The following COQ7 variants were observed in gnomAD, a reference collection of about 807,000 sequenced individuals.
COQ7 encodes coenzyme Q7, hydroxylase.
Under a neutral mutation model 25.0 loss-of-function variants are expected in COQ7, and 21 were observed. The observed-to-expected ratio is 0.84, with a 90% CI of 0.60 to 1.21. COQ7 has a LOEUF of 1.21. Among genes scored for constraint, COQ7 ranks in the 50% most tolerant of loss-of-function variants. The pLI is 0.00. For synonymous variants in COQ7, 125 were observed against 112.4 expected, an observed-to-expected ratio of 1.11 and a Z score of -0.71; for missense variants, 311 against 296.2, an observed-to-expected ratio of 1.05 and a Z score of -0.37.
At chr16:19,072,234 T>G in intron 2 of COQ7, 128 bp downstream of exon 2, 1 of 1,116,450 alleles carries the variant, frequency 9.0e-7, no homozygotes, top group South Asian at 1.5e-5. Context: ...GAGCGAAGGT[T>G]GGTTCTTGGT....
At position 19,078,301 on chromosome 16, in the gene COQ7, T is replaced by TTTA; in HGVS notation, c.*143_*144insTTA. 1.6e-6 allele frequency: 1 copy of TTTA among 608,192 alleles called. No individual in the cohort carries two copies. The highest frequency in any genetic ancestry group is 2.6e-6 in the Non-Finnish European group (1 of 391,960). The allele number at this position is 608,192 out of a possible 1,614,324, so 37.7% of individuals were successfully genotyped here. A position where few individuals can be genotyped will look rare whatever the true frequency, so the allele number is the denominator to read the frequency against. The stretch of plus-strand genomic sequence containing the variant: ...ATTATAAGGTTTGTTTTTTTTTTTT[T>TTTA]AAACTCTGCAGTGTTGATTTTTCTC... On this transcript the variant is annotated 3_prime_UTR_variant, in exon 6 of 6. Transcript: ENST00000321998.
chr16:19,069,677 C>T (rs1400255520), intron 1 of COQ7, among the ~76,000 whole-genome samples: 1 of 152,094 alleles, frequency 6.6e-6, no homozygotes, highest in Non-Finnish European at 1.5e-5. Context: ...TCCCAAAGTG[C>T]TGGGATTACA....
intron 4 of COQ7, among the ~76,000 whole-genome samples, chr16:19,076,282 A>C (rs1596832427): frequency 7.5e-6 from 1 of 133,590 alleles, no homozygotes; most frequent in Non-Finnish European, 1.6e-5. Flanking sequence ...TTTTTAAGAG[A>C]TGGGGTCTCA....
chr16:19,073,803 G>T (rs1015115806), intron 2 of COQ7, 118 bp from the exon 3 acceptor site: 1 of 677,178 alleles, frequency 1.5e-6, no homozygotes. Flanking sequence ...TGAGGGGAAT[G>T]GGGGAGACAG....
chr16:19,078,134 G>A lies in COQ7; in HGVS notation c.630G>A (p.Ala210=), dbSNP rs999718451. The change falls in exon 6 of 6, where the codon GCG becomes GCA. Residue 210 remains alanine (A), a synonymous_variant. Coordinates refer to ENST00000321998, the MANE Select transcript of COQ7 (RefSeq NM_016138.5). ...KSIIQAGCRV[A]IYLSERL ...TTATCCAGGCCGGATGCAGAGTGGC[G>A]ATATATTTATCAGAAAGATTATAAA... 2.2e-5 allele frequency: 36 copies of A among 1,611,204 alleles called. No homozygotes were observed. The highest frequency in any genetic ancestry group is 6.7e-5 in the Admixed American group (4 of 59,602).
chr16:19,073,872 G>A (rs201166490), intron 2 of COQ7, 49 bp from the exon 3 acceptor site: 8 of 1,379,776 alleles, frequency 5.8e-6, no homozygotes, highest in Non-Finnish European at 8.2e-6. Flanking sequence ...GGATGAGTGG[G>A]AGGCCTCTAT....
At chr16:19,071,891 A>G in intron 1 of COQ7, 37 bp from the exon 2 acceptor site, 1 of 1,611,784 alleles carries the variant, frequency 6.2e-7, no homozygotes, top group Non-Finnish European at 8.5e-7. Context: ...TCTGGATTTT[A>G]CCTGATCATA....
In COQ7 at chr16:19,067,715, G is replaced by A. The variant is rs17357834; in HGVS notation, c.51G>A (p.Pro17=). The A allele has an allele frequency of 0.18, 291,304 of 1,606,028 alleles. 27,606 individuals carry two copies. Among genetic ancestry groups the A allele is most frequent in the Admixed American group, 0.22 (13,111 of 58,378 alleles). ...CTCCCCGCCTTTGGCGGCTGCGCCC[G>A]GGGGCCCGGCGGTCCCTCTCAGGTA... ...AAAPRLWRLR[P]GARRSLSAYG... is the part of the protein sequence containing the mutation. The change falls in exon 1 of 6, where the codon CCG becomes CCA. Residue 17 remains proline (P), a synonymous_variant. Transcript: ENST00000321998.
At chr16:19,070,587 AGCTGGGCAT>A (rs1469715697) in intron 1 of COQ7, among the ~76,000 whole-genome samples, 5 of 151,934 alleles carry the variant, frequency 3.3e-5, no homozygotes, top group Admixed American at 1.3e-4. Context: ...ATAAAAATGT[AGCTGGGCAT>A]GGTGGCACCT....
downstream of COQ7, among the ~76,000 whole-genome samples, chr16:19,082,021 C>CA (rs566283231): frequency 2.5e-4 from 37 of 148,304 alleles, 2 homozygotes; most frequent in South Asian, 2.1e-3. Flanking sequence ...AACTCCATCC[C>CA]AAAAAAAAAG....
At chr16:19,074,932 T>C (rs1254914332) in intron 3 of COQ7, among the ~76,000 whole-genome samples, 1 of 152,126 alleles carries the variant, frequency 6.6e-6, no homozygotes, top group East Asian at 1.9e-4. Context: ...CAAATACTGT[T>C]CCCTGACAAC....
chr16:19,071,425 C>T (rs1038001647), intron 1 of COQ7, among the ~76,000 whole-genome samples: 2 of 152,228 alleles, frequency 1.3e-5, no homozygotes, highest in South Asian at 2.1e-4. Flanking sequence ...CATGAGCCAC[C>T]GCGCCCGGAC....
At chr16:19,076,488 G>C (rs1037032472) in intron 4 of COQ7, among the ~76,000 whole-genome samples, 6 of 150,912 alleles carry the variant, frequency 4.0e-5, no homozygotes, top group South Asian at 2.1e-4. Flanking sequence ...ATGTTGTCCA[G>C]ATTGGTCTTG....
At chr16:19,082,277 CGTT>C (rs1486496444), downstream of COQ7, among the ~76,000 whole-genome samples, 8 of 152,222 alleles carry the variant, frequency 5.3e-5, no homozygotes, top group South Asian at 1.5e-3. Flanking sequence ...AAATGTATGA[CGTT>C]GATTATTGAA....
rs1259943242 is a variant in COQ7 at position 19,074,006 on chromosome 16, C to T, written c.338C>T (p.Pro113Leu). ...AGGGTCCGGCCAACAGTTCTGATGC[C>T]CTTGTGGAACGTGCTGGGGTTTGCA... ...TFRVRPTVLM[P>L]LWNVLGFALG... Residue 113 changes from proline (P) to leucine (L), a missense_variant, in exon 3 of 6, where the codon CCC (proline) becomes CTC (leucine). Physicochemically the swap from Pro to Leu is moderately conservative, Grantham distance 98. Coordinates refer to ENST00000321998, the MANE Select transcript of COQ7 (RefSeq NM_016138.5). The T allele has an allele frequency of 1.2e-6, 2 of 1,613,188 alleles. No homozygotes were observed. The highest frequency in any genetic ancestry group is 1.1e-5 in the South Asian group (1 of 90,968).
rs1450823374 is a variant in COQ7 at position 19,073,975 on chromosome 16, A to G, written c.307A>G (p.Thr103Ala). ...HLKKFNELMV[T>A]FRVRPTVLMP... ...GAAAAAGTTCAATGAGTTGATGGTTACGTTCAGGGTCCGGCCAACAGTTCT... is the reference window on the plus strand; with the variant it reads ...GAAAAAGTTCAATGAGTTGATGGTTGCGTTCAGGGTCCGGCCAACAGTTCT... The change falls in exon 3 of 6, where the codon ACG (threonine) becomes GCG (alanine). Residue 103 changes from threonine to alanine, a missense_variant. By Grantham distance (58) the Thr-to-Ala change is moderately conservative (BLOSUM62 0). Coordinates refer to ENST00000321998, the MANE Select transcript of COQ7 (RefSeq NM_016138.5). The G allele has an allele frequency of 6.2e-7, 1 of 1,613,896 alleles. No individual in the cohort carries two copies. Among genetic ancestry groups the G allele is most frequent in the Non-Finnish European group, 8.5e-7 (1 of 1,179,954 alleles).
intron 1 of COQ7, 64 bp downstream of exon 1, chr16:19,067,801 G>A (rs1203929448): frequency 3.2e-6 from 5 of 1,572,282 alleles, no homozygotes; most frequent in Non-Finnish European, 3.4e-6. Flanking sequence ...TTTCGCTTGA[G>A]GTTTGGGTCG....
chr16:19,072,351 G>A, intron 2 of COQ7: 1 of 500,350 alleles, frequency 2.0e-6, no homozygotes, highest in South Asian at 2.7e-5. Context: ...GTACTCCATG[G>A]CGGGGGCAGG....
intron 1 of COQ7, chr16:19,071,725 C>T (rs1045838509): frequency 1.7e-6 from 1 of 595,808 alleles, no homozygotes; most frequent in Non-Finnish European, 2.9e-6. Context: ...TCTTCATACA[C>T]TTAAAGTGAA....
Sources: allele counts gnomAD v4.1 joint callset (sites outside exome capture counted in the v4.1 genomes callset), GRCh38; gene constraint gnomAD v4.1.1; transcripts MANE v1.5; gene names NCBI Gene and HGNC (gene_info 2026-07-23, HGNC 2026-07-21).